Variants in PTRH1 observed in about 807,000 individuals in gnomAD.
PTRH1 encodes the protein peptidyl-tRNA hydrolase.
In PTRH1, 13 loss-of-function variants were observed where a neutral mutation model predicts 15.7. The observed-to-expected ratio is 0.83, with a 90% CI of 0.54 to 1.31. The LOEUF (loss-of-function observed/expected upper bound fraction) is 1.31, where lower values mean the gene tolerates loss of function less well. Among genes scored for constraint, PTRH1 ranks in the 40% most tolerant of loss-of-function variants. PTRH1 has a pLI of 0.00. For synonymous variants in PTRH1, 139 were observed against 136.7 expected, an observed-to-expected ratio of 1.02 and a Z score of -0.12; for missense variants, 319 against 296.2, an observed-to-expected ratio of 1.08 and a Z score of -0.56.
Position 127,715,160 on chromosome 9 carries a change from G to A in PTRH1, c.131C>T (p.Thr44Met), listed in dbSNP as rs780609750. 6.5e-7 allele frequency: 1 copy of A among 1,533,120 alleles called. No homozygotes were observed. The highest frequency in any genetic ancestry group is 8.7e-7 in the Non-Finnish European group (1 of 1,145,380). The allele number at this position is 1,533,120 out of a possible 1,614,324, so 95.0% of individuals were successfully genotyped here. A position where few individuals can be genotyped will look rare whatever the true frequency, so the allele number is the denominator to read the frequency against. ...AGLGNPGLPG[T>M]RHSVGMAVLG... ...CACCGCCATGCCCACGCTGTGTCGC[G>A]TGCCGGGCAGTCCGGGATTCCCCAG... Residue 44 changes from threonine (T) to methionine (M), a missense_variant, in exon 2 of 5, where the codon ACG becomes ATG. Transcript: ENST00000543175. The surrounding 1 kb of genome is among the most constrained non-coding windows in gnomAD (Gnocchi z 5.8).
rs749401512 is a variant in PTRH1 at position 127,715,643 on chromosome 9, G to A, written c.-4C>T. ...CCAAAAAGCCGCCCGGCCTCATGCT[G>A]CCCCCATTCACTCCGACACCGCCCC... is the stretch of plus-strand genomic sequence containing the variant. On this transcript the variant is annotated 5_prime_UTR_variant, in exon 1 of 5. Coordinates refer to ENST00000543175, the MANE Select transcript of PTRH1 (RefSeq NM_001002913.3). The surrounding 1 kb of genome is among the most constrained non-coding windows in gnomAD (Gnocchi z 5.8). 6.2e-6 allele frequency: 10 copies of A among 1,610,816 alleles called. No individual in the cohort carries two copies. In the Admixed American group the frequency reaches 1.7e-4, roughly 27 times the overall value.
intron 1 of PTRH1, among the ~76,000 whole-genome samples, chr9:127,706,474 G>A (rs994772466): frequency 2.6e-5 from 4 of 152,186 alleles, no homozygotes; most frequent in African/African-American, 4.8e-5. Context: ...GCTGTCCCAC[G>A]GAGTGAGTGC....
At position 127,714,407 on chromosome 9, in the gene PTRH1, C is replaced by G. The variant is rs374030884; in HGVS notation, c.434G>C (p.Arg145Pro). ...GGAGTTGAGGCAGCTAATGCAGGAA[C>G]GGACTCCATTGTGGCCCCTTCAAGG... ...GGSARGHNGV[R>P]SCISCLNSNA... The change falls in exon 4 of 5, where the codon CGT becomes CCT. Residue 145 changes from arginine (R) to proline (P), a missense_variant. Physicochemically the swap from Arg to Pro is moderately radical, Grantham distance 103. Transcript: ENST00000543175. 8 of 1,614,084 alleles carry G rather than the reference C, an allele frequency of 5.0e-6. No homozygotes were observed. In the African/African-American group the frequency reaches 1.1e-4, roughly 22 times the overall value.
Position 127,714,957 on chromosome 9 carries a change from CTGGCG to C in PTRH1, c.316+13_316+17del. The C allele has an allele frequency of 7.4e-7, 1 of 1,353,156 alleles. No homozygotes were observed. The allele number at this position is 1,353,156 out of a possible 1,614,324, so 83.8% of individuals were successfully genotyped here. On this transcript the variant is annotated intron_variant, in intron 2 of 4. Transcript: ENST00000543175. ...ACCCCCTTGGCCCGCCCGCCCACCC[CTGGCG>C]CTCTCAACTCACCAGCCCGGGCCAC...
chr9:127,706,983 C>G, intron 1 of PTRH1: 1 of 1,599,930 alleles, frequency 6.3e-7, no homozygotes, highest in Non-Finnish European at 8.5e-7. Context: ...GCTTCCTTAG[C>G]AACCACCTGG....
At chr9:127,694,972 G>A (rs1171302939) in exon 2 of PTRH1, 1 of 702,702 alleles carries the variant, frequency 1.4e-6, no homozygotes, top group South Asian at 1.5e-5. Context: ...ATCCTGACAG[G>A]TGACTTTGTT....
downstream of PTRH1, chr9:127,710,473 C>A: frequency 1.7e-6 from 2 of 1,157,974 alleles, no homozygotes; most frequent in Non-Finnish European, 2.4e-6. Context: ...GGATGGTAGA[C>A]CTGCCCCACT....
intron 1 of PTRH1, among the ~76,000 whole-genome samples, chr9:127,708,513 A>T (rs1842696558): frequency 6.6e-6 from 1 of 152,176 alleles, no homozygotes. Flanking sequence ...ATTAAAAAAA[A>T]CTTTTCAAGT....
At chr9:127,713,360 C>T, downstream of PTRH1, 1 of 631,986 alleles carries the variant, frequency 1.6e-6, no homozygotes, top group Non-Finnish European at 2.6e-6. Flanking sequence ...AAGGAGTGGC[C>T]AAGCCTCAAT....
rs1210650858 is a variant in PTRH1 at position 127,714,106 on chromosome 9, C to A, written c.639G>T (p.Gly213=). The A allele has an allele frequency of 1.9e-6, 3 of 1,612,326 alleles. No homozygotes were observed. Among genetic ancestry groups the A allele is most frequent in the Admixed American group, 3.3e-5 (2 of 59,804 alleles). Reference sequence around the variant, plus strand: ...GCAGCCATGGCCACTAGTGTCACGGCCCCAGTGAGGGCCCCTGGCTTCGCT... The same window carrying A: ...GCAGCCATGGCCACTAGTGTCACGGACCCAGTGAGGGCCCCTGGCTTCGCT... ...IRERSQGPSL[G]P The change falls in exon 5 of 5, where the codon GGG becomes GGT. Residue 213 remains glycine (G), a synonymous_variant. Coordinates refer to ENST00000543175, the MANE Select transcript of PTRH1 (RefSeq NM_001002913.3).
At chr9:127,707,448 C>G (rs1842672428) in intron 1 of PTRH1, among the ~76,000 whole-genome samples, 1 of 152,172 alleles carries the variant, frequency 6.6e-6, no homozygotes, top group African/African-American at 2.4e-5. Context: ...TGGCCCCACC[C>G]CAGGCAATCC....
chr9:127,695,274 A>G (rs768208293), intron 1 of PTRH1: 35 of 596,176 alleles, frequency 5.9e-5, no homozygotes, highest in Non-Finnish European at 9.6e-5. Context: ...ACAGTTGCAT[A>G]TGTCAACATG....
At chr9:127,713,710 T>C (rs1055964512), downstream of PTRH1, 29 of 721,484 alleles carry the variant, frequency 4.0e-5, no homozygotes, top group South Asian at 4.4e-4. Context: ...TTTCACCATG[T>C]TGGCCAGGCT....
intron 1 of PTRH1, among the ~76,000 whole-genome samples, chr9:127,701,741 G>A (rs1170222317): frequency 2.0e-5 from 3 of 151,982 alleles, no homozygotes; most frequent in African/African-American, 4.8e-5. Flanking sequence ...GAGAAATACC[G>A]GTGTCTCCAC....
At chr9:127,711,603 G>GGCA, downstream of PTRH1, 1 of 1,417,444 alleles carries the variant, frequency 7.1e-7, no homozygotes, top group South Asian at 1.4e-5. Flanking sequence ...GAGGGAGGGA[G>GGCA]GCAGCAGAGA....
Position 127,707,197 on chromosome 9 carries a change from G to A in PTRH1, c.205+8238C>T, listed in dbSNP as rs769176716. On this transcript the variant is annotated intron_variant, in intron 1 of 2. Coordinates refer to the PTRH1 transcript ENST00000335223. ...CCTGGAGGACCGGCTAGCCCGGTGC[G>A]TGGGCTGGCGGGCAGGAGTCTGGTG... is the stretch of plus-strand genomic sequence containing the variant. 8 of 1,609,088 alleles carry A rather than the reference G, an allele frequency of 5.0e-6. No individual in the cohort carries two copies. The Admixed American group carries it at 5.0e-5, about 10-fold the overall frequency.
At chr9:127,713,111 C>T, downstream of PTRH1, 2 of 1,613,226 alleles carry the variant, frequency 1.2e-6, no homozygotes, top group East Asian at 2.2e-5. Flanking sequence ...AGGCCTGGTA[C>T]CTCGCCAGGT....
chr9:127,709,470 C>A (rs1301730945), downstream of PTRH1: 16 of 1,613,962 alleles, frequency 9.9e-6, no homozygotes, highest in Non-Finnish European at 1.4e-5. This position sits in a 1 kb window ranked among gnomAD's most constrained non-coding sequence, Gnocchi z 4.7. Flanking sequence ...AGATGTTCCG[C>A]CAGGAGTTTG....
At chr9:127,697,219 C>A (rs1442210544) in intron 1 of PTRH1, among the ~76,000 whole-genome samples, 2 of 152,158 alleles carry the variant, frequency 1.3e-5, no homozygotes, top group Admixed American at 1.3e-4. Context: ...GTTTTCCAGA[C>A]CAAGCACTAA....
Sources: gnomAD v4.1 joint callset for allele counts (sites outside exome capture counted in the v4.1 genomes callset) on GRCh38, gnomAD v4.1.1 for gene constraint, Gnocchi (gnomAD v3.1) non-coding constraint, MANE v1.5 for transcripts, NCBI Gene and HGNC (gene_info 2026-07-23, HGNC 2026-07-21) for gene names.